The following ESYT2 variants were observed in gnomAD, a reference collection of about 807,000 sequenced individuals.
ESYT2 encodes the protein extended synaptotagmin 2.
A neutral mutation model predicts 107.2 loss-of-function variants in ESYT2; 54 were observed. The observed-to-expected ratio is 0.50, with a 90% CI of 0.40 to 0.63. The LOEUF is 0.63. Ranked by LOEUF, ESYT2 falls within the 30% of genes least tolerant of loss-of-function variation. The pLI is 0.00. For missense variants in ESYT2, 1,020 were observed against 1,094.5 expected (o/e 0.93, Z 0.96); for synonymous variants, 491 against 434.1 (o/e 1.13, Z -1.63).
intron 6 of ESYT2, 102 bp from the exon 7 acceptor site, chr7:158,773,498 A>G: frequency 9.2e-7 from 1 of 1,083,656 alleles, no homozygotes; most frequent in South Asian, 1.3e-5. Flanking sequence ...GGGTTAGTAC[A>G]CAACACAGAC....
At chr7:158,797,234 C>T in intron 3 of ESYT2, among the ~76,000 whole-genome samples, 1 of 152,198 alleles carries the variant, frequency 6.6e-6, no homozygotes, top group East Asian at 1.9e-4. Flanking sequence ...GCACTCTCCA[C>T]CTCCTGGGGC....
intron 20 of ESYT2, among the ~76,000 whole-genome samples, chr7:158,736,355 TACA>T (rs1364642892): frequency 6.6e-6 from 1 of 152,260 alleles, no homozygotes; most frequent in East Asian, 1.9e-4. Flanking sequence ...AGCGACACCA[TACA>T]ACTGTATTAT....
intron 13 of ESYT2, among the ~76,000 whole-genome samples, 165 bp downstream of exon 13, chr7:158,759,321 C>T (rs1392601604): frequency 1.3e-5 from 2 of 152,246 alleles, no homozygotes; most frequent in Non-Finnish European, 2.9e-5. Flanking sequence ...CCAGAGCAAA[C>T]ACTAACTTCT....
chr7:158,752,182 A>G (rs771855832), intron 14 of ESYT2, among the ~76,000 whole-genome samples: 2 of 152,268 alleles, frequency 1.3e-5, no homozygotes, highest in African/African-American at 2.4e-5. Context: ...AAAAAATAAT[A>G]AAACATTAAA....
At chr7:158,822,640 T>A (rs1840317460) in intron 1 of ESYT2, among the ~76,000 whole-genome samples, 1 of 151,626 alleles carries the variant, frequency 6.6e-6, no homozygotes, top group Non-Finnish European at 1.5e-5. Flanking sequence ...AATTAAAAAA[T>A]AAATAAAAAT....
chr7:158,768,789 G>A (rs887606722), intron 7 of ESYT2, among the ~76,000 whole-genome samples: 4 of 152,324 alleles, frequency 2.6e-5, no homozygotes, highest in South Asian at 2.1e-4. Flanking sequence ...ACACTTTGGG[G>A]AGGCTAACGT....
rs763790875 is a variant in ESYT2, at chr7:158,734,183, G to GAGGAC, written c.*19_*23dup. 1 of 1,614,032 alleles carries GAGGAC rather than the reference G, an allele frequency of 6.2e-7. No homozygotes were observed. Among genetic ancestry groups the GAGGAC allele is most frequent in the South Asian group, 1.1e-5 (1 of 91,058 alleles). On this transcript the variant is annotated 3_prime_UTR_variant, in exon 23 of 23. Transcript: ENST00000275418. ...GGTAGAGGTGGAGAGCTACGCTGAA[G>GAGGAC]AGGACGCCTCCTGCCTGCTGCGGCT...
chr7:158,798,950 T>C lies in ESYT2; in HGVS notation c.372+81A>G. On this transcript the variant is annotated intron_variant, in intron 2 of 22. Coordinates refer to ENST00000275418, the MANE Select transcript of ESYT2 (RefSeq NM_001367773.1). ...CAAACGAGCTCAAATATTACCAACATGCAAATCCCCAAATATGGAAAGATG... is the reference window on the plus strand; with the variant it reads ...CAAACGAGCTCAAATATTACCAACACGCAAATCCCCAAATATGGAAAGATG... 10 of 1,433,352 alleles carry C rather than the reference T, an allele frequency of 7.0e-6. No homozygotes were observed. In the South Asian group the frequency reaches 1.1e-4, roughly 16 times the overall value. 88.8% of individuals were successfully genotyped at this position (1,433,352 alleles called of 1,614,324 possible). A position where few individuals can be genotyped will look rare whatever the true frequency, so the allele number is the denominator to read the frequency against.
intron 6 of ESYT2, among the ~76,000 whole-genome samples, chr7:158,784,337 T>C (rs929486269): frequency 1.2e-4 from 18 of 152,240 alleles, no homozygotes; most frequent in Admixed American, 3.9e-4. Flanking sequence ...AAGAATGGGC[T>C]TCAGGGAGCC....
chr7:158,787,836 T>C (rs974308960), intron 6 of ESYT2, among the ~76,000 whole-genome samples, 168 bp downstream of exon 6: 1 of 152,178 alleles, frequency 6.6e-6, no homozygotes, highest in South Asian at 2.1e-4. Flanking sequence ...AGAGATAAGC[T>C]CTCAGTTAAG....
chr7:158,777,372 T>G (rs1213467108), intron 6 of ESYT2, among the ~76,000 whole-genome samples: 2 of 152,242 alleles, frequency 1.3e-5, no homozygotes, highest in African/African-American at 4.8e-5. Context: ...GGTTTGGCTC[T>G]GTGTCCCTAC....
At chr7:158,779,518 G>A (rs1838696713) in intron 6 of ESYT2, among the ~76,000 whole-genome samples, 1 of 152,186 alleles carries the variant, frequency 6.6e-6, no homozygotes, top group Non-Finnish European at 1.5e-5. Context: ...TCACAGTTAA[G>A]TAAACTAAGA....
intron 1 of ESYT2, among the ~76,000 whole-genome samples, chr7:158,802,936 T>G (rs979837040): frequency 1.3e-5 from 2 of 152,274 alleles, no homozygotes; most frequent in African/African-American, 4.8e-5. Flanking sequence ...CAAGAAGGAT[T>G]TGAGCTTTGC....
chr7:158,737,839 CACT>C lies in ESYT2; in HGVS notation c.2268-663_2268-661del, dbSNP rs528508805. On this transcript the variant is annotated intron_variant, in intron 19 of 22. Transcript: ENST00000275418. ...CAAATTTTTATATCATATTTTAAAC[CACT>C]AATAGGACAGAGAAAATTGCATAAA... Among the ~76,000 whole-genome samples, 28 of 152,178 alleles carry C rather than the reference CACT, an allele frequency of 1.8e-4. No individual in the cohort carries two copies. The South Asian group carries it at 5.6e-3, about 30-fold the overall frequency.
chr7:158,783,890 T>G (rs184264333), intron 6 of ESYT2, among the ~76,000 whole-genome samples: 27 of 152,244 alleles, frequency 1.8e-4, no homozygotes, highest in African/African-American at 6.3e-4. Context: ...CCTTCCACCT[T>G]AAGGGACAGA....
chr7:158,776,967 T>C lies in ESYT2; in HGVS notation c.748-3571A>G, dbSNP rs185201944. On this transcript the variant is annotated intron_variant, in intron 6 of 22. Coordinates refer to ENST00000275418, the MANE Select transcript of ESYT2 (RefSeq NM_001367773.1). ...TCCCAGGTTCAAGTGATTCTCCTGC[T>C]TCAGCCTCCCAAGTAGCTGGGACTA... Among the ~76,000 whole-genome samples the C allele has an allele frequency of 3.4e-3, 523 of 151,802 alleles. 7 individuals are homozygous for C. The highest frequency in any genetic ancestry group is 5.6e-3 in the Non-Finnish European group (381 of 67,884).
intron 19 of ESYT2, 54 bp from the exon 20 acceptor site, chr7:158,737,233 A>G (rs1836993948): frequency 6.3e-7 from 1 of 1,578,876 alleles, no homozygotes; most frequent in African/African-American, 1.4e-5. Context: ...AAAGAGAATG[A>G]GCAGCACATT....
rs372452282 is a variant in ESYT2 at position 158,764,802 on chromosome 7, T to C, written c.976A>G (p.Thr326Ala). ...IEAQDLQGKD[T>A]YLKGLVKGKS... ...CCCTTGACAAGTCCCTTAAGGTAAG[T>C]GTCTTTCCCCTGAAGATCCTGAGCT... The change falls in exon 9 of 23, where the codon ACT becomes GCT. Residue 326 changes from threonine (T) to alanine (A), a missense_variant. Transcript: ENST00000275418. The C allele has an allele frequency of 1.9e-6, 3 of 1,614,084 alleles. No individual in the cohort carries two copies. The highest frequency in any genetic ancestry group is 1.7e-6 in the Non-Finnish European group (2 of 1,180,036).
At chr7:158,788,487 A>G in intron 4 of ESYT2, 70 bp from the exon 5 acceptor site, 1 of 1,297,066 alleles carries the variant, frequency 7.7e-7, no homozygotes, top group Non-Finnish European at 1.1e-6. Flanking sequence ...TAGACCTGCA[A>G]GATGTATAAT....
Sources: allele counts gnomAD v4.1 joint callset (sites outside exome capture counted in the v4.1 genomes callset), GRCh38; gene constraint gnomAD v4.1.1; transcripts MANE v1.5; gene names NCBI Gene and HGNC (gene_info 2026-07-23, HGNC 2026-07-21).